Variants in EPCAM observed in about 807,000 individuals in gnomAD.
EPCAM encodes the protein adenocarcinoma-associated antigen.
Under a neutral mutation model 40.0 loss-of-function variants are expected in EPCAM, and 39 were observed. The observed-to-expected ratio is 0.98, with a 90% CI of 0.76 to 1.27. EPCAM has a LOEUF of 1.27. Among genes scored for constraint, EPCAM ranks in the 50% most tolerant of loss-of-function variants. The pLI is 0.00. For synonymous variants in EPCAM, 168 were observed against 132.3 expected (o/e 1.27, Z -1.85); for missense variants, 503 against 381.2 (o/e 1.32, Z -2.66).
In EPCAM at chr2:47,386,459, G is replaced by GA. The variant is rs1220217332; in HGVS notation, c.904-107dup. 8 of 786,156 alleles carry GA rather than the reference G, an allele frequency of 1.0e-5. No homozygotes were observed. In the Admixed American group the frequency reaches 1.0e-4, roughly 10 times the overall value. 48.7% of individuals were successfully genotyped at this position (786,156 alleles called of 1,614,324 possible). ...ATTTAAATAAGTCTTATAAATGTGG[G>GA]AAAAAATTATCTTGTGTTCCTTTAA... On this transcript the variant is annotated intron_variant, in intron 8 of 8. Coordinates refer to ENST00000263735, the MANE Select transcript of EPCAM (RefSeq NM_002354.3).
In EPCAM at chr2:47,386,847, T is replaced by G. The variant is rs140584057; in HGVS notation, c.*234T>G. 179 of 385,338 alleles carry G rather than the reference T, an allele frequency of 4.6e-4. No individual in the cohort carries two copies. Among genetic ancestry groups the G allele is most frequent in the Non-Finnish European group, 1.7e-4 (37 of 214,090 alleles). The allele number at this position is 385,338 out of a possible 1,614,324, so 23.9% of individuals were successfully genotyped here. A position where few individuals can be genotyped will look rare whatever the true frequency, so the allele number is the denominator to read the frequency against. ...GCAGATCTAATGTAAAATCCAGAAC[T>G]TGGACTCCATCGTTAAAATTATTTA... On this transcript the variant is annotated 3_prime_UTR_variant, in exon 9 of 9. Transcript: ENST00000263735.
rs114241106 is a variant in EPCAM at position 47,373,452 on chromosome 2, T to C, written c.77-11T>C. On this transcript the variant is annotated splice_polypyrimidine_tract_variant and intron_variant, in intron 1 of 8. Coordinates refer to ENST00000263735, the MANE Select transcript of EPCAM (RefSeq NM_002354.3). Reference sequence around the variant, plus strand: ...CACATTTTAAAGTAGATTTTTTTTTTAATTTTCTAGAATGTGTCTGTGAAA... The same window carrying C: ...CACATTTTAAAGTAGATTTTTTTTTCAATTTTCTAGAATGTGTCTGTGAAA... The C allele has an allele frequency of 6.4e-7, 1 of 1,572,024 alleles. No individual in the cohort carries two copies. Among genetic ancestry groups the C allele is most frequent in the Non-Finnish European group, 8.7e-7 (1 of 1,144,686 alleles).
At chr2:47,372,617 C>T (rs1042592292) in intron 1 of EPCAM, among the ~76,000 whole-genome samples, 1 of 151,966 alleles carries the variant, frequency 6.6e-6, no homozygotes, top group Non-Finnish European at 1.5e-5. Flanking sequence ...ACTAAAAATA[C>T]AAAAATTAGC....
intron 4 of EPCAM, 65 bp downstream of exon 4, chr2:47,375,364 A>G (rs548900657): frequency 6.6e-5 from 70 of 1,057,208 alleles, no homozygotes; most frequent in South Asian, 5.2e-4. Flanking sequence ...ATCCTACACC[A>G]TTAGAAAAAG....
intron 7 of EPCAM, chr2:47,383,288 A>AGC (rs911265966): frequency 6.8e-6 from 1 of 147,724 alleles, no homozygotes; most frequent in Non-Finnish European, 1.4e-5. Context: ...CCTGGGTGAC[A>AGC]GAGCGAGACT....
At chr2:47,383,637 TTTTTTTTTTTTTTTTG>T in intron 7 of EPCAM, among the ~76,000 whole-genome samples, 2 of 94,332 alleles carry the variant, frequency 2.1e-5, no homozygotes, top group African/African-American at 4.4e-5. Flanking sequence ...TTTTTTTTTT[TTTTTTTTTTTTTTTTG>T]AGATGGAGTC....
At chr2:47,375,957 G>C (rs1349343476) in intron 4 of EPCAM, among the ~76,000 whole-genome samples, 1 of 151,988 alleles carries the variant, frequency 6.6e-6, no homozygotes, top group African/African-American at 2.4e-5. Flanking sequence ...TCCCGCCTCT[G>C]CCTCCCAAAG....
chr2:47,383,934 G>C (rs1053543186), intron 7 of EPCAM, among the ~76,000 whole-genome samples: 1 of 151,672 alleles, frequency 6.6e-6, no homozygotes, highest in Non-Finnish European at 1.5e-5. Context: ...ACCATGCCTG[G>C]CCTAAACTGT....
intron 1 of EPCAM, among the ~76,000 whole-genome samples, chr2:47,370,637 A>G (rs1671236154): frequency 6.6e-6 from 1 of 152,034 alleles, no homozygotes; most frequent in African/African-American, 2.4e-5. Context: ...CAATGGCAAG[A>G]TCTTGACTCA....
At chr2:47,377,681 G>C (rs1421581958) in intron 5 of EPCAM, 1 of 357,322 alleles carries the variant, frequency 2.8e-6, no homozygotes, top group South Asian at 2.2e-5. Context: ...ATGAGCTCCA[G>C]TAACATCTTA....
chr2:47,371,647 C>T (rs951055441), intron 1 of EPCAM, among the ~76,000 whole-genome samples: 4 of 152,198 alleles, frequency 2.6e-5, no homozygotes, highest in Non-Finnish European at 4.4e-5. Context: ...CAGGTTTGTG[C>T]TCAGAAAGTC....
At chr2:47,383,868 G>A (rs181022869) in intron 7 of EPCAM, among the ~76,000 whole-genome samples, 3 of 151,560 alleles carry the variant, frequency 2.0e-5, no homozygotes, top group African/African-American at 7.3e-5. Context: ...AAATCCTGAT[G>A]TCAGGTGATC....
In EPCAM at chr2:47,379,783, C is replaced by T. The variant is rs776888900; in HGVS notation, c.672C>T (p.Ser224=). 26 of 1,613,200 alleles carry T rather than the reference C, an allele frequency of 1.6e-5. 1 individual carries two copies. The South Asian group carries it at 2.6e-4, about 16-fold the overall frequency. ...YYFEKDVKGE[S]LFHSKKMDLT... is the part of the protein sequence containing the mutation. ...TTTCAATACAGGTTAAAGGTGAATC[C>T]TTGTTTCATTCTAAGAAAATGGACC... Residue 224 remains serine (S), a synonymous_variant, in exon 7 of 9, where the codon TCC becomes TCT. Coordinates refer to ENST00000263735, the MANE Select transcript of EPCAM (RefSeq NM_002354.3).
chr2:47,380,821 GC>G (rs1221487091), intron 7 of EPCAM, among the ~76,000 whole-genome samples: 1 of 152,146 alleles, frequency 6.6e-6, no homozygotes, highest in Non-Finnish European at 1.5e-5. Flanking sequence ...AGGTGTGATG[GC>G]TCAGGCCTGT....
rs1320055850 is a variant in EPCAM at position 47,386,681 on chromosome 2, T to C, written c.*68T>C. 1.6e-6 allele frequency: 2 copies of C among 1,225,426 alleles called. No individual in the cohort carries two copies. Among genetic ancestry groups the C allele is most frequent in the Non-Finnish European group, 1.2e-6 (1 of 829,066 alleles). The allele number at this position is 1,225,426 out of a possible 1,614,324, so 75.9% of individuals were successfully genotyped here. A position where few individuals can be genotyped will look rare whatever the true frequency, so the allele number is the denominator to read the frequency against. The stretch of plus-strand genomic sequence containing the variant: ...GACACAAATTACAAATGTGTGTGCG[T>C]GGGACGAAGACATCTTTGAAGGTCA... On this transcript the variant is annotated 3_prime_UTR_variant, in exon 9 of 9. Coordinates refer to ENST00000263735, the MANE Select transcript of EPCAM (RefSeq NM_002354.3).
chr2:47,375,423 T>C, intron 4 of EPCAM, 124 bp downstream of exon 4: 1 of 703,878 alleles, frequency 1.4e-6, no homozygotes, highest in Non-Finnish European at 2.6e-6. Context: ...TTACTTGAAA[T>C]AGAGTTGCAA....
chr2:47,379,193 G>A, intron 6 of EPCAM, 139 bp downstream of exon 6: 1 of 665,400 alleles, frequency 1.5e-6, no homozygotes, highest in Non-Finnish European at 2.8e-6. Context: ...TGTCCTCCCT[G>A]TCACTCACAT....
intron 7 of EPCAM, among the ~76,000 whole-genome samples, chr2:47,381,109 AAAAAAG>A (rs1207104115): frequency 2.7e-5 from 4 of 147,370 alleles, no homozygotes; most frequent in East Asian, 2.1e-4. Context: ...AAAAAAAAAA[AAAAAAG>A]GCCAGGCACA....
At chr2:47,370,600 C>T (rs1368905296) in intron 1 of EPCAM, among the ~76,000 whole-genome samples, 3 of 143,854 alleles carry the variant, frequency 2.1e-5, no homozygotes, top group Non-Finnish European at 3.0e-5. Context: ...TTTGAAACAG[C>T]CTTGTTCTGT....
Sources: gnomAD v4.1 joint callset for allele counts (sites outside exome capture counted in the v4.1 genomes callset) on GRCh38, gnomAD v4.1.1 for gene constraint, MANE v1.5 for transcripts, NCBI Gene and HGNC (gene_info 2026-07-23, HGNC 2026-07-21) for gene names.